The following ZNF91 variants were observed in gnomAD, a reference collection of about 807,000 sequenced individuals.
ZNF91 encodes zinc finger protein 91.
ZNF91 carries 7 observed loss-of-function variants against 12.6 expected under a neutral mutation model. That is an observed-to-expected ratio of 0.55 (90% CI 0.31 to 1.04). The LOEUF (loss-of-function observed/expected upper bound fraction) is 1.04, where lower values mean the gene tolerates loss of function less well. Among genes scored for constraint, ZNF91 ranks in the 50% least tolerant of loss-of-function variants. The probability of loss-of-function intolerance (pLI) is 0.05; values close to 1 mark genes in which losing one functional copy is unlikely to be tolerated. For missense variants in ZNF91, 1,217 were observed against 1,385.4 expected (o/e 0.88, Z 1.93); for synonymous variants, 453 against 462.6 (o/e 0.98, Z 0.27).
At position 23,342,882 on chromosome 19, in the gene ZNF91, T is replaced by C. The variant is rs557716839; in HGVS notation, c.254-3828A>G. Reference sequence around the variant, plus strand: ...AGAATTCTATGGCCAAAGCCTTGAATGTTAACATTTCCTAAACAAACCCAA... The same window carrying C: ...AGAATTCTATGGCCAAAGCCTTGAACGTTAACATTTCCTAAACAAACCCAA... On this transcript the variant is annotated intron_variant, in intron 3 of 3. Coordinates refer to the ZNF91 transcript ENST00000599743. 2.6e-5 allele frequency among the ~76,000 whole-genome samples: 4 copies of C among 152,262 alleles called. No individual in the cohort carries two copies. The East Asian group carries it at 7.7e-4, about 29-fold the overall frequency.
intron 1 of ZNF91, among the ~76,000 whole-genome samples, chr19:23,394,608 G>A (rs1328105425): frequency 2.0e-5 from 3 of 152,068 alleles, no homozygotes; most frequent in Non-Finnish European, 4.4e-5. Context: ...GCAGGCGCCT[G>A]TAATCCCAGC....
intron 1 of ZNF91, chr19:23,327,226 TATATC>T (rs1459599724): frequency 6.6e-6 from 1 of 152,142 alleles, no homozygotes; most frequent in African/African-American, 2.4e-5. Flanking sequence ...TAATTGATTA[TATATC>T]ATATTTATAA....
upstream of ZNF91, among the ~76,000 whole-genome samples, chr19:23,313,096 CT>C (rs1967497862): frequency 6.6e-6 from 1 of 152,206 alleles, no homozygotes; most frequent in African/African-American, 2.4e-5. Flanking sequence ...AACTCATGTA[CT>C]TAGACCCAAC....
At chr19:23,334,557 TAGA>T (rs1967972946), downstream of ZNF91, among the ~76,000 whole-genome samples, 1 of 152,198 alleles carries the variant, frequency 6.6e-6, no homozygotes, top group African/African-American at 2.4e-5. Flanking sequence ...TAAATAATAA[TAGA>T]AGGTGAGAAA....
chr19:23,391,996 A>G (rs1473078733), intron 1 of ZNF91, among the ~76,000 whole-genome samples: 1 of 152,236 alleles, frequency 6.6e-6, no homozygotes, highest in Admixed American at 6.5e-5. Flanking sequence ...AGGGAAGAAA[A>G]GTTTAAGGTG....
At chr19:23,320,615 G>A (rs1217977827) in intron 1 of ZNF91, among the ~76,000 whole-genome samples, 1 of 152,134 alleles carries the variant, frequency 6.6e-6, no homozygotes, top group African/African-American at 2.4e-5. Context: ...AACAGTATGG[G>A]GGAAACTGTC....
At chr19:23,386,984 T>C (rs1969893783) in intron 1 of ZNF91, among the ~76,000 whole-genome samples, 1 of 152,072 alleles carries the variant, frequency 6.6e-6, no homozygotes, top group Non-Finnish European at 1.5e-5. Context: ...CATTAAAAAG[T>C]AGACAAGAAA....
intron 1 of ZNF91, chr19:23,384,605 G>T (rs1375588730): frequency 9.8e-6 from 9 of 918,344 alleles, no homozygotes; most frequent in Non-Finnish European, 1.2e-5. Context: ...GAGACATTCT[G>T]TCTCCCGATA....
chr19:23,391,598 TCTAA>T (rs1186468603), intron 1 of ZNF91, among the ~76,000 whole-genome samples: 3 of 152,192 alleles, frequency 2.0e-5, no homozygotes, highest in East Asian at 3.8e-4. Context: ...TTTACATACA[TCTAA>T]CTTTTATTTT....
intron 3 of ZNF91, 134 bp downstream of exon 3, chr19:23,373,607 AT>A (rs1312169746): frequency 1.2e-5 from 7 of 593,988 alleles, no homozygotes; most frequent in Non-Finnish European, 2.0e-5. Context: ...TGATAGCATA[AT>A]TTAAAAAAAA....
chr19:23,307,279 G>A (rs1254532385), intron 3 of ZNF91: 1 of 151,974 alleles, frequency 6.6e-6, no homozygotes. Context: ...TATATCTCTG[G>A]GCCCATCAAC....
chr19:23,392,673 T>A (rs1357721223), intron 1 of ZNF91, among the ~76,000 whole-genome samples: 6 of 151,898 alleles, frequency 4.0e-5, no homozygotes, highest in African/African-American at 1.5e-4. Context: ...ACGTCTGTAA[T>A]CCCAGCTACT....
intron 3 of ZNF91, among the ~76,000 whole-genome samples, chr19:23,366,281 G>A (rs1381089640): frequency 6.6e-6 from 1 of 151,856 alleles, no homozygotes; most frequent in Non-Finnish European, 1.5e-5. Flanking sequence ...GGGGCGGCTG[G>A]CCTGGCGGGG....
At chr19:23,363,036 G>T (rs1208593780) in intron 3 of ZNF91, among the ~76,000 whole-genome samples, 1 of 152,106 alleles carries the variant, frequency 6.6e-6, no homozygotes, top group African/African-American at 2.4e-5. Context: ...AAAACATACA[G>T]ATCAAATTAC....
chr19:23,387,886 T>C (rs562754953), intron 1 of ZNF91, among the ~76,000 whole-genome samples: 11 of 138,184 alleles, frequency 8.0e-5, no homozygotes, highest in African/African-American at 3.1e-4. Flanking sequence ...GAGGTTGCAG[T>C]GAGCTGAGAT....
downstream of ZNF91, among the ~76,000 whole-genome samples, chr19:23,336,193 G>A (rs29985): frequency 0.52 from 78,441 of 151,992 alleles, 21,728 homozygotes; most frequent in East Asian, 0.84. Flanking sequence ...TGGGGTGAAT[G>A]CCTGAGGTTC....
chr19:23,324,025 T>A (rs1967785287), intron 1 of ZNF91: 1 of 149,156 alleles, frequency 6.7e-6, no homozygotes, highest in Non-Finnish European at 1.5e-5. Context: ...CTTCGTCTTC[T>A]CCTCTTCCTT....
At chr19:23,332,934 G>T (rs755673851) in intron 1 of ZNF91, among the ~76,000 whole-genome samples, 2 of 152,134 alleles carry the variant, frequency 1.3e-5, no homozygotes, top group Non-Finnish European at 2.9e-5. Context: ...AGCCTGTCAA[G>T]GATCAAATTT....
At chr19:23,325,380 T>C (rs966594423) in intron 1 of ZNF91, 3 of 152,158 alleles carry the variant, frequency 2.0e-5, no homozygotes, top group Admixed American at 6.5e-5. Context: ...GCAACCTTTG[T>C]GGTCCCATAC....
Sources: allele counts gnomAD v4.1 joint callset (sites outside exome capture counted in the v4.1 genomes callset), GRCh38; gene constraint gnomAD v4.1.1; transcripts MANE v1.5; gene names NCBI Gene and HGNC (gene_info 2026-07-23, HGNC 2026-07-21).